Variants in CUX1 observed in about 807,000 individuals in gnomAD.
CUX1 encodes protein CASP.
Under a neutral mutation model 158.8 loss-of-function variants are expected in CUX1, and 31 were observed. The ratio of observed to expected loss-of-function variants is 0.20; its 90% CI spans 0.15 to 0.26. CUX1 has a LOEUF of 0.26. Ranked by LOEUF, CUX1 falls within the 10% of genes least tolerant of loss-of-function variation. The pLI is 1.00. For missense variants in CUX1, 1,589 were observed against 2,014.6 expected (o/e 0.79, Z 4.04); for synonymous variants, 879 against 862.1 (o/e 1.02, Z -0.34).
chr7:101,916,296 C>A lies in CUX1; in HGVS notation c.141+71C>A. The A allele has an allele frequency of 1.0e-6, 1 of 977,544 alleles. No individual in the cohort carries two copies. The highest frequency in any genetic ancestry group is 1.6e-6 in the Non-Finnish European group (1 of 606,426). The allele number at this position is 977,544 out of a possible 1,614,324, so 60.6% of individuals were successfully genotyped here. On this transcript the variant is annotated intron_variant, in intron 2 of 23. Transcript: ENST00000292535. This position sits in a 1 kb window ranked among gnomAD's most constrained non-coding sequence, Gnocchi z 4.4. Reference sequence around the variant, plus strand: ...GCTGGTGCATGTTCAGGCGACGCTCCGTGAGCGTTTCATTTTCATCAGATG... The same window carrying A: ...GCTGGTGCATGTTCAGGCGACGCTCAGTGAGCGTTTCATTTTCATCAGATG...
At chr7:102,245,538 G>A (rs187514498) in intron 23 of CUX1, among the ~76,000 whole-genome samples, 16 of 152,256 alleles carry the variant, frequency 1.1e-4, no homozygotes, top group African/African-American at 3.6e-4. Context: ...CACAAACAGC[G>A]GCTGGATAGG....
At chr7:102,043,495 A>G (rs963676100) in intron 3 of CUX1, among the ~76,000 whole-genome samples, 4 of 151,972 alleles carry the variant, frequency 2.6e-5, no homozygotes, top group Non-Finnish European at 5.9e-5. Context: ...TAAAACTTTT[A>G]CCCTTTTCAA....
In CUX1 at chr7:102,256,361, CA is replaced by C. The variant is rs543798900; in HGVS notation, c.*7320del. 335 of 985,008 alleles carry C rather than the reference CA, an allele frequency of 3.4e-4. 2 individuals are homozygous for C. The African/African-American group carries it at 5.5e-3, about 16-fold the overall frequency. 61.0% of individuals were successfully genotyped at this position (985,008 alleles called of 1,614,324 possible). On this transcript the variant is annotated 3_prime_UTR_variant, in exon 24 of 24. Transcript: ENST00000292535. ...CTCTTCTATTTATTATTAGGTTAAT[CA>C]TTTAAGTACTTATCAGGAGTGTATT...
chr7:102,118,227 T>C (rs1343396475), intron 8 of CUX1, among the ~76,000 whole-genome samples: 1 of 152,200 alleles, frequency 6.6e-6, no homozygotes, highest in African/African-American at 2.4e-5. Context: ...AACAATTTAT[T>C]TTCCCTCTTC....
chr7:102,248,343 T>A lies in CUX1; in HGVS notation c.3888-69T>A. Reference sequence around the variant, plus strand: ...GGAGCCCCAGAGAGAGGGGTCTGGCTGGGGTAGCACCAGAGGCCCTTTCCC... The same window carrying A: ...GGAGCCCCAGAGAGAGGGGTCTGGCAGGGGTAGCACCAGAGGCCCTTTCCC... On this transcript the variant is annotated intron_variant, in intron 23 of 23. Transcript: ENST00000292535. The surrounding 1 kb of genome is among the most constrained non-coding windows in gnomAD (Gnocchi z 5.8). The A allele has an allele frequency of 1.4e-6, 2 of 1,413,272 alleles. No homozygotes were observed. Among genetic ancestry groups the A allele is most frequent in the South Asian group, 2.5e-5 (2 of 79,024 alleles). 87.5% of individuals were successfully genotyped at this position (1,413,272 alleles called of 1,614,324 possible).
intron 14 of CUX1, 144 bp from the exon 15 acceptor site, chr7:102,196,490 A>AC (rs1336247893): frequency 5.8e-6 from 4 of 684,364 alleles, no homozygotes; most frequent in South Asian, 5.9e-5. Context: ...AAACAAACCA[A>AC]CCCACCTCAT....
At chr7:102,088,375 G>GGGCA in intron 4 of CUX1, among the ~76,000 whole-genome samples, 1 of 152,280 alleles carries the variant, frequency 6.6e-6, no homozygotes, top group Non-Finnish European at 1.5e-5. Flanking sequence ...GCTTATGCCT[G>GGGCA]TAATCCCAAC....
intron 2 of CUX1, among the ~76,000 whole-genome samples, chr7:101,981,693 C>T (rs963054673): frequency 5.3e-5 from 8 of 152,058 alleles, no homozygotes; most frequent in African/African-American, 1.9e-4. Flanking sequence ...GCTCTGCAAC[C>T]TCCGCCTCCC....
rs782700188 is a variant in CUX1 at position 102,158,612 on chromosome 7, G to A, written c.723+4G>A. On this transcript the variant is annotated splice_donor_region_variant and intron_variant, in intron 9 of 23. Transcript: ENST00000292535. ...GGACCTTGAAAGGGCAAACCAGGTA[G>A]GACCCTGGACGCTTTTAGTCCTAAA... 6.2e-7 allele frequency: 1 copy of A among 1,614,022 alleles called. No individual in the cohort carries two copies. The highest frequency in any genetic ancestry group is 1.1e-5 in the South Asian group (1 of 91,070).
chr7:101,887,457 C>T (rs963347127), intron 1 of CUX1, among the ~76,000 whole-genome samples: 7 of 152,022 alleles, frequency 4.6e-5, no homozygotes, highest in Admixed American at 4.6e-4. Context: ...CAAGTGTGAG[C>T]CACCATGCCT....
exon 15 of CUX1, chr7:102,273,395 A>G (rs781900691): frequency 6.2e-7 from 1 of 1,612,514 alleles, no homozygotes; most frequent in Non-Finnish European, 8.5e-7. Flanking sequence ...AGTCCGTATC[A>G]CTGAGGCTGT....
At chr7:101,990,393 T>TG (rs1182597326) in intron 2 of CUX1, among the ~76,000 whole-genome samples, 1 of 150,280 alleles carries the variant, frequency 6.7e-6, no homozygotes, top group Non-Finnish European at 1.5e-5. Flanking sequence ...TTTGTTTGTT[T>TG]TGTTTTTTTG....
chr7:102,164,406 A>G (rs565344445), intron 9 of CUX1, among the ~76,000 whole-genome samples: 48 of 152,230 alleles, frequency 3.2e-4, no homozygotes, highest in Non-Finnish European at 6.5e-4. Context: ...ATGGGCTTTG[A>G]CGCACAGGCT....
intron 3 of CUX1, among the ~76,000 whole-genome samples, chr7:102,035,051 A>C (rs1180064300): frequency 1.4e-5 from 2 of 147,590 alleles, no homozygotes; most frequent in Non-Finnish European, 3.0e-5. Context: ...AACATACATT[A>C]ATCATCAGAC....
intron 2 of CUX1, among the ~76,000 whole-genome samples, chr7:101,920,861 T>A (rs999941162): frequency 4.6e-5 from 7 of 152,168 alleles, no homozygotes; most frequent in Non-Finnish European, 1.0e-4. Flanking sequence ...CTTTCTATAT[T>A]TTTGTTTTTT....
At chr7:102,043,030 C>T (rs1421782407) in intron 3 of CUX1, among the ~76,000 whole-genome samples, 2 of 152,184 alleles carry the variant, frequency 1.3e-5, no homozygotes, top group East Asian at 3.9e-4. Flanking sequence ...AGCACAGTCT[C>T]AGCTCACTGC....
At chr7:101,946,426 T>C (rs1394801604) in intron 2 of CUX1, among the ~76,000 whole-genome samples, 2 of 151,586 alleles carry the variant, frequency 1.3e-5, no homozygotes, top group Non-Finnish European at 2.9e-5. Flanking sequence ...CGTCTGTAAT[T>C]CCAGCTACTT....
intron 13 of CUX1, among the ~76,000 whole-genome samples, chr7:102,195,208 G>C (rs964711470): frequency 6.6e-6 from 1 of 152,000 alleles, no homozygotes; most frequent in African/African-American, 2.4e-5. Context: ...AATGAGGCAC[G>C]GGCTCAGGTC....
At chr7:102,227,200 A>C (rs28491347) in intron 20 of CUX1, among the ~76,000 whole-genome samples, 167 bp from the exon 21 acceptor site, 5,341 of 152,034 alleles carry the variant, frequency 0.035, 318 homozygotes, top group African/African-American at 0.12. Flanking sequence ...ACTAGAGGTT[A>C]CTCTCAGTCA....
Sources: gnomAD v4.1 joint callset for allele counts (sites outside exome capture counted in the v4.1 genomes callset) on GRCh38, gnomAD v4.1.1 for gene constraint, Gnocchi (gnomAD v3.1) non-coding constraint, MANE v1.5 for transcripts, NCBI Gene and HGNC (gene_info 2026-07-23, HGNC 2026-07-21) for gene names.